Variants in DPH5 observed in about 807,000 individuals in gnomAD.
The protein encoded by DPH5 is diphthamide biosynthesis 5, also known as diphthine methyl ester synthase.
In DPH5, 31 loss-of-function variants were observed where a neutral mutation model predicts 31.6. The ratio of observed to expected loss-of-function variants is 0.98; its 90% CI spans 0.74 to 1.32. The LOEUF (loss-of-function observed/expected upper bound fraction) is 1.32, where lower values mean the gene tolerates loss of function less well. DPH5 is among the 40% of genes most tolerant of loss of function. The pLI, the probability that DPH5 is intolerant of heterozygous loss-of-function variation, is 0.00. For synonymous variants in DPH5, 120 were observed against 115.0 expected, an observed-to-expected ratio of 1.04 and a Z score of -0.28; for missense variants, 309 against 335.7, an observed-to-expected ratio of 0.92 and a Z score of 0.62.
chr1:101,016,595 G>T (rs931348692), intron 3 of DPH5, among the ~76,000 whole-genome samples: 2 of 151,232 alleles, frequency 1.3e-5, no homozygotes, highest in South Asian at 4.2e-4. Flanking sequence ...ACAGGCACCC[G>T]CCACCACGCC....
intron 3 of DPH5, among the ~76,000 whole-genome samples, chr1:101,017,214 G>C (rs1324170222): frequency 6.6e-6 from 1 of 152,162 alleles, no homozygotes; most frequent in East Asian, 1.9e-4. Context: ...TGCAATGTAT[G>C]TGAAATGAAA....
intron 4 of DPH5, 143 bp from the exon 5 acceptor site, chr1:101,001,730 G>T: frequency 1.5e-6 from 1 of 654,000 alleles, no homozygotes; most frequent in Non-Finnish European, 2.5e-6. Context: ...CACCAAAAAA[G>T]GTAACAGGAA....
chr1:101,025,206 G>A (rs1660736365), intron 2 of DPH5, 103 bp downstream of exon 2: 1 of 1,412,346 alleles, frequency 7.1e-7, no homozygotes, highest in Non-Finnish European at 9.5e-7. Flanking sequence ...GCGTTTCAAA[G>A]GGTTTAAACA....
intron 5 of DPH5, among the ~76,000 whole-genome samples, chr1:101,000,434 C>T (rs898673251): frequency 6.6e-6 from 1 of 151,988 alleles, no homozygotes; most frequent in African/African-American, 2.4e-5. Flanking sequence ...CATAAAAGAC[C>T]GAAAATTTAA....
At chr1:101,003,393 T>C (rs1659009113) in intron 4 of DPH5, among the ~76,000 whole-genome samples, 1 of 152,140 alleles carries the variant, frequency 6.6e-6, no homozygotes, top group Non-Finnish European at 1.5e-5. Context: ...TAGTCACAGG[T>C]TTAAAATGAC....
At chr1:101,018,156 A>G (rs2101281810) in intron 3 of DPH5, among the ~76,000 whole-genome samples, 1 of 152,376 alleles carries the variant, frequency 6.6e-6, no homozygotes, top group African/African-American at 2.4e-5. Flanking sequence ...AATTTCAAGA[A>G]AGGAGATCCA....
Position 101,021,435 on chromosome 1 carries a change from A to C in DPH5, c.260+206T>G, listed in dbSNP as rs1441007759. On this transcript the variant is annotated intron_variant, in intron 3 of 7. Coordinates refer to ENST00000370109, the MANE Select transcript of DPH5 (RefSeq NM_015958.3). ...TTGACACTTGATAATGTAGTGATAC[A>C]TATGATGATATATTTACCAACTAGC... is the stretch of plus-strand genomic sequence containing the variant. 2.0e-5 allele frequency among the ~76,000 whole-genome samples: 3 copies of C among 152,230 alleles called. No homozygotes were observed. In the East Asian group the frequency reaches 5.8e-4, roughly 29 times the overall value.
At chr1:100,996,823 TTC>T (rs1209312805) in intron 5 of DPH5, among the ~76,000 whole-genome samples, 1 of 152,238 alleles carries the variant, frequency 6.6e-6, no homozygotes, top group African/African-American at 2.4e-5. Context: ...AAATTTTAAA[TTC>T]TCTGTGTTTT....
rs975078137 is a variant in DPH5 at position 101,000,614 on chromosome 1, A to G, written c.490+853T>C. On this transcript the variant is annotated intron_variant, in intron 5 of 7. Coordinates refer to ENST00000370109, the MANE Select transcript of DPH5 (RefSeq NM_015958.3). ...CTAACTAGTAAGTAGTAGCACTGGG[A>G]TTTTGTCTTCTGATTCCAAGTAGAA... Among the ~76,000 whole-genome samples the G allele has an allele frequency of 3.9e-5, 6 of 152,320 alleles. No individual in the cohort carries two copies. The East Asian group carries it at 7.7e-4, about 20-fold the overall frequency.
At chr1:101,007,943 T>C (rs923876929) in intron 4 of DPH5, among the ~76,000 whole-genome samples, 1 of 152,088 alleles carries the variant, frequency 6.6e-6, no homozygotes, top group Non-Finnish European at 1.5e-5. Flanking sequence ...ATCTGCAAAA[T>C]GTTAAACAAA....
rs770522185 is a variant in DPH5, at chr1:101,021,779, T to A, written c.136-14A>T. 15 of 1,600,252 alleles carry A rather than the reference T, an allele frequency of 9.4e-6. No individual in the cohort carries two copies. In the African/African-American group the frequency reaches 1.8e-4, roughly 19 times the overall value. ...ATAAAACTCTTCCTACAGATATAAG[T>A]CCAATATCAAGATAAAGAGACAGCA... On this transcript the variant is annotated splice_polypyrimidine_tract_variant and intron_variant, in intron 2 of 7. Coordinates refer to ENST00000370109, the MANE Select transcript of DPH5 (RefSeq NM_015958.3).
intron 4 of DPH5, 188 bp downstream of exon 4, chr1:101,013,522 A>G: frequency 2.4e-6 from 1 of 414,866 alleles, no homozygotes; most frequent in South Asian, 7.3e-5. Flanking sequence ...TTCGATTCCA[A>G]TAAGGGGGAA....
intron 4 of DPH5, among the ~76,000 whole-genome samples, chr1:101,004,049 G>A (rs1370068107): frequency 3.9e-5 from 6 of 152,246 alleles, no homozygotes; most frequent in African/African-American, 1.2e-4. Context: ...AGAAAGAATT[G>A]AGATGCAAGT....
At chr1:100,996,902 T>C (rs920155656) in intron 5 of DPH5, among the ~76,000 whole-genome samples, 3 of 152,234 alleles carry the variant, frequency 2.0e-5, no homozygotes, top group Admixed American at 6.5e-5. Flanking sequence ...AATAAATACA[T>C]ACTAATTTAA....
chr1:101,020,409 A>G (rs1660363993), intron 3 of DPH5, among the ~76,000 whole-genome samples: 1 of 151,548 alleles, frequency 6.6e-6, no homozygotes. Context: ...GTGACAACAT[A>G]CTCTCTTGCT....
chr1:101,005,114 T>C (rs1020412895), intron 4 of DPH5, among the ~76,000 whole-genome samples: 2 of 152,222 alleles, frequency 1.3e-5, no homozygotes, highest in African/African-American at 4.8e-5. Flanking sequence ...AATATTTCTT[T>C]CCTTTTAGAA....
intron 3 of DPH5, among the ~76,000 whole-genome samples, chr1:101,016,375 G>A (rs1276126972): frequency 1.3e-5 from 2 of 151,596 alleles, no homozygotes; most frequent in Non-Finnish European, 2.9e-5. Flanking sequence ...CTTTTCCTTT[G>A]CATACATAAC....
intron 4 of DPH5, among the ~76,000 whole-genome samples, chr1:101,005,696 A>G (rs550540553): frequency 2.6e-5 from 4 of 152,350 alleles, no homozygotes; most frequent in African/African-American, 9.6e-5. Context: ...GAAAAAATAA[A>G]TAAGAAATTC....
chr1:100,993,750 A>ATT (rs911011055), intron 6 of DPH5, among the ~76,000 whole-genome samples: 1 of 145,400 alleles, frequency 6.9e-6, no homozygotes, highest in Non-Finnish European at 1.5e-5. Flanking sequence ...TAAAAAGGCA[A>ATT]TTTTTTTTTT....
Sources: allele counts gnomAD v4.1 joint callset (sites outside exome capture counted in the v4.1 genomes callset), GRCh38; gene constraint gnomAD v4.1.1; transcripts MANE v1.5; gene names NCBI Gene and HGNC (gene_info 2026-07-23, HGNC 2026-07-21).